The following ZNF385B variants were observed in gnomAD, a reference collection of about 807,000 sequenced individuals.
ZNF385B encodes the protein zinc finger protein 385B, also known as zinc finger protein 533.
A neutral mutation model predicts 39.2 loss-of-function variants in ZNF385B; 23 were observed. That is an observed-to-expected ratio of 0.59 (90% confidence interval 0.42 to 0.83). The LOEUF (loss-of-function observed/expected upper bound fraction) is 0.83, where lower values mean the gene tolerates loss of function less well. ZNF385B is among the 40% of genes least tolerant of loss of function. ZNF385B has a pLI of 0.00. For synonymous variants in ZNF385B, 205 were observed against 222.6 expected, an observed-to-expected ratio of 0.92 and a Z score of 0.70; for missense variants, 552 against 598.9, an observed-to-expected ratio of 0.92 and a Z score of 0.82.
intron 4 of ZNF385B, among the ~76,000 whole-genome samples, chr2:179,520,383 A>G (rs1448642077): frequency 1.3e-5 from 2 of 152,246 alleles, no homozygotes; most frequent in East Asian, 3.9e-4. Flanking sequence ...TGGAAAATCT[A>G]GGGATTCATA....
chr2:179,706,366 A>G (rs1291657817), intron 3 of ZNF385B, among the ~76,000 whole-genome samples: 1 of 152,158 alleles, frequency 6.6e-6, no homozygotes, highest in Non-Finnish European at 1.5e-5. Flanking sequence ...TCCCCTCAAT[A>G]AACACTGGGT....
In ZNF385B at chr2:179,613,214, T is replaced by C. The variant is rs557114029; in HGVS notation, c.299-68245A>G. On this transcript the variant is annotated intron_variant, in intron 3 of 9. Coordinates refer to ENST00000410066, the MANE Select transcript of ZNF385B (RefSeq NM_152520.6). ...TGGAACTGAGGACCCAAGAGCCCTC[T>C]TGGTGTTCTACCAACTGTGGCCGAG... Among the ~76,000 whole-genome samples, 463 of 152,300 alleles carry C rather than the reference T, an allele frequency of 3.0e-3. 2 individuals carry two copies. Among genetic ancestry groups the C allele is most frequent in the African/African-American group, 0.011 (444 of 41,576 alleles).
At chr2:179,516,281 T>C (rs2058084028) in intron 5 of ZNF385B, among the ~76,000 whole-genome samples, 1 of 152,154 alleles carries the variant, frequency 6.6e-6, no homozygotes, top group African/African-American at 2.4e-5. Context: ...GCCTTGGGGA[T>C]ATACTTAGAA....
At chr2:179,771,406 TA>T (rs1704004284) in intron 1 of ZNF385B, among the ~76,000 whole-genome samples, 1 of 152,234 alleles carries the variant, frequency 6.6e-6, no homozygotes, top group South Asian at 2.1e-4. Flanking sequence ...TGAACACTGT[TA>T]ATTTTGATAT....
chr2:179,628,169 G>C (rs1188131801), intron 3 of ZNF385B, among the ~76,000 whole-genome samples: 1 of 152,060 alleles, frequency 6.6e-6, no homozygotes, highest in African/African-American at 2.4e-5. Flanking sequence ...ATTATCGCAT[G>C]TTAAAATTAT....
intron 4 of ZNF385B, among the ~76,000 whole-genome samples, chr2:179,523,168 C>T (rs1239832458): frequency 9.9e-5 from 15 of 151,988 alleles, no homozygotes; most frequent in African/African-American, 2.4e-5. Context: ...GCAGCTGTTA[C>T]CAGGAACTGA....
At chr2:179,799,452 T>A (rs1051916176) in intron 1 of ZNF385B, among the ~76,000 whole-genome samples, 1 of 152,102 alleles carries the variant, frequency 6.6e-6, no homozygotes, top group African/African-American at 2.4e-5. Context: ...GGAACAAATA[T>A]TCCATTGATT....
At chr2:179,541,419 G>C (rs879937220) in intron 4 of ZNF385B, among the ~76,000 whole-genome samples, 16 of 151,998 alleles carry the variant, frequency 1.1e-4, no homozygotes, top group Admixed American at 6.6e-4. Context: ...TTCACTATAA[G>C]AAAGAGGAAA....
At chr2:179,493,476 T>C (rs147718107) in intron 5 of ZNF385B, among the ~76,000 whole-genome samples, 29 of 75,982 alleles carry the variant, frequency 3.8e-4, no homozygotes, top group Non-Finnish European at 7.6e-4. Flanking sequence ...TATGCATGTG[T>C]ACACATATGT....
intron 3 of ZNF385B, among the ~76,000 whole-genome samples, chr2:179,700,944 C>T (rs530582520): frequency 2.6e-5 from 4 of 152,072 alleles, no homozygotes; most frequent in Non-Finnish European, 2.9e-5. Flanking sequence ...ACCGGGAAGG[C>T]GGAGCTTGCA....
intron 3 of ZNF385B, among the ~76,000 whole-genome samples, chr2:179,746,957 T>A (rs1038390136): frequency 6.6e-6 from 1 of 152,062 alleles, no homozygotes; most frequent in Non-Finnish European, 1.5e-5. Flanking sequence ...CTGGAAGAAA[T>A]TCCTAGGAGG....
chr2:179,480,478 A>G (rs2053870115), intron 6 of ZNF385B, among the ~76,000 whole-genome samples: 1 of 152,230 alleles, frequency 6.6e-6, no homozygotes, highest in Non-Finnish European at 1.5e-5. Context: ...ACAAAAATCT[A>G]TGACTCTGAC....
At chr2:179,636,240 T>C (rs1301790869) in intron 3 of ZNF385B, among the ~76,000 whole-genome samples, 2 of 152,198 alleles carry the variant, frequency 1.3e-5, no homozygotes, top group Non-Finnish European at 2.9e-5. Flanking sequence ...GACTGGGTGC[T>C]GTAGAGTACA....
intron 6 of ZNF385B, among the ~76,000 whole-genome samples, chr2:179,453,092 C>T (rs868820974): frequency 6.6e-6 from 1 of 152,082 alleles, no homozygotes; most frequent in African/African-American, 2.4e-5. Flanking sequence ...AGGAATAAAT[C>T]AAGAACATTT....
At chr2:179,816,880 T>C (rs1707103817) in intron 1 of ZNF385B, among the ~76,000 whole-genome samples, 1 of 152,134 alleles carries the variant, frequency 6.6e-6, no homozygotes, top group Admixed American at 6.6e-5. Flanking sequence ...ACCAGTGTGG[T>C]TTATGGAAGA....
chr2:179,474,121 A>G (rs1454611004), intron 6 of ZNF385B, among the ~76,000 whole-genome samples: 3 of 151,276 alleles, frequency 2.0e-5, no homozygotes, highest in Admixed American at 2.0e-4. Context: ...AAAAAAAAAC[A>G]GTTGTAAAAT....
At chr2:179,509,000 G>A (rs2057458175) in intron 5 of ZNF385B, among the ~76,000 whole-genome samples, 1 of 148,952 alleles carries the variant, frequency 6.7e-6, no homozygotes, top group Admixed American at 6.7e-5. Context: ...AGGCTGGAGT[G>A]TAGTGGTGTG....
rs138437361 is a variant in ZNF385B, at chr2:179,611,712, T to C, written c.299-66743A>G. On this transcript the variant is annotated intron_variant, in intron 3 of 9. Transcript: ENST00000410066. ...ATGGCTTTGATCTCATTACTTGTTA[T>C]TGGTCTGTTCAGGTTTTGAATTTCC... is the stretch of plus-strand genomic sequence containing the variant. Among the ~76,000 whole-genome samples, 250 of 152,306 alleles carry C rather than the reference T, an allele frequency of 1.6e-3. 1 individual carries two copies. The highest frequency in any genetic ancestry group is 5.6e-3 in the African/African-American group (234 of 41,582).
chr2:179,653,826 A>G (rs1693449508), intron 3 of ZNF385B, among the ~76,000 whole-genome samples: 2 of 152,146 alleles, frequency 1.3e-5, no homozygotes, highest in African/African-American at 4.8e-5. Context: ...CTAGCGAACA[A>G]ACTCAGACGA....
Sources: allele counts gnomAD v4.1 joint callset (sites outside exome capture counted in the v4.1 genomes callset), GRCh38; gene constraint gnomAD v4.1.1; transcripts MANE v1.5; gene names NCBI Gene and HGNC (gene_info 2026-07-23, HGNC 2026-07-21).